The following SHANK2 variants were observed in gnomAD, a reference collection of about 807,000 sequenced individuals.
The protein encoded by SHANK2 is SH3 and multiple ankyrin repeat domains protein 2.
In SHANK2, 43 loss-of-function variants were observed where a neutral mutation model predicts 133.7. The observed-to-expected ratio is 0.32, with a 90% CI of 0.25 to 0.41. The LOEUF (loss-of-function observed/expected upper bound fraction) is 0.41. Ranked by LOEUF, SHANK2 falls within the 10% of genes least tolerant of loss-of-function variation. The probability of loss-of-function intolerance (pLI) is 1.00; values close to 1 mark genes in which losing one functional copy is unlikely to be tolerated. For missense variants in SHANK2, 1,994 were observed against 2,235.8 expected, an observed-to-expected ratio of 0.89 and a Z score of 2.18; for synonymous variants, 1,017 against 952.8, an observed-to-expected ratio of 1.07 and a Z score of -1.24.
chr11:70,800,009 T>C (rs1948007409), intron 13 of SHANK2, among the ~76,000 whole-genome samples: 1 of 151,920 alleles, frequency 6.6e-6, no homozygotes, highest in Non-Finnish European at 1.5e-5. Flanking sequence ...GGAAGGAAAA[T>C]CTTTATATCT....
chr11:70,853,618 ACT>A (rs2135476081), intron 11 of SHANK2, among the ~76,000 whole-genome samples: 1 of 152,124 alleles, frequency 6.6e-6, no homozygotes, highest in South Asian at 2.1e-4. Context: ...ATCTGCCTCC[ACT>A]CTCAGTAACG....
At chr11:70,906,135 T>C (rs1290220016) in intron 10 of SHANK2, among the ~76,000 whole-genome samples, 1 of 152,176 alleles carries the variant, frequency 6.6e-6, no homozygotes, top group Non-Finnish European at 1.5e-5. Context: ...TGTGACAGCC[T>C]GAACAGACAA....
intron 11 of SHANK2, among the ~76,000 whole-genome samples, chr11:70,895,759 C>T (rs541290255): frequency 6.6e-6 from 1 of 152,202 alleles, no homozygotes; most frequent in East Asian, 1.9e-4. Flanking sequence ...TAATTTGTTT[C>T]AGCAATCAAG....
intron 17 of SHANK2, among the ~76,000 whole-genome samples, chr11:70,636,291 G>A (rs1023209861): frequency 1.1e-4 from 17 of 152,212 alleles, no homozygotes; most frequent in South Asian, 2.1e-4. Flanking sequence ...ACATGTATGA[G>A]TATGTGTGTG....
intron 11 of SHANK2, among the ~76,000 whole-genome samples, chr11:70,836,897 G>T (rs1948827305): frequency 6.6e-6 from 1 of 152,210 alleles, no homozygotes; most frequent in South Asian, 2.1e-4. Context: ...AAGTAATTAG[G>T]GTTGGATGAG....
intron 14 of SHANK2, among the ~76,000 whole-genome samples, chr11:70,709,017 C>T (rs1945723948): frequency 6.6e-6 from 1 of 152,150 alleles, no homozygotes; most frequent in African/African-American, 2.4e-5. Context: ...TCAAGACCAG[C>T]CTGACCAACA....
intron 11 of SHANK2, among the ~76,000 whole-genome samples, chr11:70,890,589 T>C (rs1949825436): frequency 6.6e-6 from 1 of 150,408 alleles, no homozygotes; most frequent in Non-Finnish European, 1.5e-5. Flanking sequence ...CACCTGTGGT[T>C]CAGAGTTTGA....
At chr11:71,103,191 G>A (rs1380511455) in intron 6 of SHANK2, among the ~76,000 whole-genome samples, 1 of 152,192 alleles carries the variant, frequency 6.6e-6, no homozygotes, top group Non-Finnish European at 1.5e-5. Context: ...CACCCAGTTG[G>A]GCTCTCAGAG....
In SHANK2 at chr11:70,500,521, CAG is replaced by C. The variant is rs782750260; in HGVS notation, c.2308+47_2308+48del. On this transcript the variant is annotated intron_variant, in intron 21 of 25. Coordinates refer to ENST00000601538, the MANE Select transcript of SHANK2 (RefSeq NM_012309.5). The surrounding 1 kb of genome is among the most constrained non-coding windows in gnomAD (Gnocchi z 4.5). Reference sequence around the variant, plus strand: ...CATCACAAAGGATGTTTCTGTTCCACAGGGGGGTGATGGGCAGGGGGCTGAGA... The same window carrying C: ...CATCACAAAGGATGTTTCTGTTCCACGGGGGTGATGGGCAGGGGGCTGAGA... The C allele has an allele frequency of 3.8e-6, 6 of 1,586,400 alleles. No homozygotes were observed. Among genetic ancestry groups the C allele is most frequent in the Non-Finnish European group, 4.3e-6 (5 of 1,166,472 alleles).
intron 10 of SHANK2, among the ~76,000 whole-genome samples, chr11:70,947,805 G>T (rs1053292482): frequency 6.6e-6 from 1 of 152,114 alleles, no homozygotes; most frequent in African/African-American, 2.4e-5. Flanking sequence ...TTTTACCAAC[G>T]TTGCTTCCCA....
intron 17 of SHANK2, among the ~76,000 whole-genome samples, chr11:70,598,345 A>C (rs1554989991): frequency 6.6e-6 from 1 of 152,220 alleles, no homozygotes; most frequent in Non-Finnish European, 1.5e-5. Context: ...GAAGGAGCTG[A>C]AAATGGATCT....
intron 1 of SHANK2, among the ~76,000 whole-genome samples, chr11:71,230,461 C>T (rs569826630): frequency 1.3e-5 from 2 of 150,760 alleles, no homozygotes; most frequent in African/African-American, 4.9e-5. Flanking sequence ...ACTAGCTACT[C>T]GGGAGGCTGA....
rs573215602 is a variant in SHANK2, at chr11:70,882,704, G to A, written c.1174+13797C>T. On this transcript the variant is annotated intron_variant, in intron 11 of 25. Coordinates refer to ENST00000601538, the MANE Select transcript of SHANK2 (RefSeq NM_012309.5). This position sits in a 1 kb window ranked among gnomAD's most constrained non-coding sequence, Gnocchi z 4.2. ...GCAGGGAGAGGACGGTGATCCCCAC[G>A]GCTTTGCTAAAAGGCGGCAGTGGCT... Among the ~76,000 whole-genome samples the A allele has an allele frequency of 2.6e-5, 4 of 152,280 alleles. No homozygotes were observed. Among genetic ancestry groups the A allele is most frequent in the East Asian group, 1.9e-4 (1 of 5,174 alleles).
In SHANK2 at chr11:70,908,671, G is replaced by C. The variant is rs142865011; in HGVS notation, c.1108-12104C>G. On this transcript the variant is annotated intron_variant, in intron 10 of 25. Coordinates refer to ENST00000601538, the MANE Select transcript of SHANK2 (RefSeq NM_012309.5). The stretch of plus-strand genomic sequence containing the variant: ...TCCAGAGCTGCACCGACATTGGCAA[G>C]TTACCTCCCAGGGATGCTGGGGTTC... Among the ~76,000 whole-genome samples, 57 of 152,314 alleles carry C rather than the reference G, an allele frequency of 3.7e-4. No homozygotes were observed. In the East Asian group the frequency reaches 9.1e-3, roughly 24 times the overall value.
At chr11:70,515,522 C>A (rs2059252147) in intron 17 of SHANK2, among the ~76,000 whole-genome samples, 2 of 151,540 alleles carry the variant, frequency 1.3e-5, no homozygotes, top group South Asian at 4.2e-4. Context: ...TTAATGCCAG[C>A]CCGGAGCGGT....
intron 24 of SHANK2, 177 bp downstream of exon 24, chr11:70,489,151 G>GTAGATCTC: frequency 1.5e-6 from 1 of 659,694 alleles, no homozygotes; most frequent in Admixed American, 2.3e-5. Flanking sequence ...TACTCCTTGT[G>GTAGATCTC]GGAGGACATT....
At chr11:70,891,456 C>T (rs968535600) in intron 11 of SHANK2, among the ~76,000 whole-genome samples, 2 of 152,060 alleles carry the variant, frequency 1.3e-5, no homozygotes, top group African/African-American at 2.4e-5. Flanking sequence ...GAGCCGAGAT[C>T]GCGCCACTGC....
At chr11:70,658,829 G>C (rs2134256420) in intron 17 of SHANK2, among the ~76,000 whole-genome samples, 1 of 152,288 alleles carries the variant, frequency 6.6e-6, no homozygotes, top group African/African-American at 2.4e-5. Context: ...CAATGGCAGG[G>C]ACCACCAAAT....
chr11:70,846,766 A>G (rs1555063571), intron 11 of SHANK2, among the ~76,000 whole-genome samples: 2 of 152,116 alleles, frequency 1.3e-5, no homozygotes, highest in African/African-American at 4.8e-5. Context: ...TCCGAGGTCT[A>G]TGTTCCAATG....
Sources: allele counts gnomAD v4.1 joint callset (sites outside exome capture counted in the v4.1 genomes callset), GRCh38; gene constraint gnomAD v4.1.1; non-coding constraint Gnocchi (gnomAD v3.1); transcripts MANE v1.5; gene names NCBI Gene and HGNC (gene_info 2026-07-23, HGNC 2026-07-21).